Variants in TLK2 observed in about 807,000 individuals in gnomAD.
The protein encoded by TLK2 is tousled like kinase 2.
Under a neutral mutation model 117.3 loss-of-function variants are expected in TLK2, and 6 were observed. The ratio of observed to expected loss-of-function variants is 0.05; its 90% CI spans 0.03 to 0.10. TLK2 has a LOEUF of 0.10. TLK2 is among the 10% of genes least tolerant of loss of function. The pLI, the probability that TLK2 is intolerant of heterozygous loss-of-function variation, is 1.00. For missense variants in TLK2, 299 were observed against 901.2 expected (o/e 0.33, Z 8.56); for synonymous variants, 257 against 316.7 (o/e 0.81, Z 2.00).
At chr17:62,562,367 A>G (rs2079358700) in intron 10 of TLK2, among the ~76,000 whole-genome samples, 1 of 152,220 alleles carries the variant, frequency 6.6e-6, no homozygotes, top group Non-Finnish European at 1.5e-5. Flanking sequence ...TCAAAACAAA[A>G]AACACACAAA....
At position 62,577,641 on chromosome 17, in the gene TLK2, A is replaced by G. The variant is rs147121371; in HGVS notation, c.1189-836A>G. On this transcript the variant is annotated intron_variant, in intron 13 of 21. Transcript: ENST00000346027. Reference sequence around the variant, plus strand: ...CATTGGTCGATGCTCTTTATAGGTGATAATGGTCAGTAAAGATTTACTAAA... The same window carrying G: ...CATTGGTCGATGCTCTTTATAGGTGGTAATGGTCAGTAAAGATTTACTAAA... Among the ~76,000 whole-genome samples the G allele has an allele frequency of 1.3e-3, 204 of 152,362 alleles. 1 individual carries two copies. The East Asian group carries it at 0.036, about 27-fold the overall frequency.
chr17:62,574,270 A>G (rs2080566863), intron 12 of TLK2: 2 of 1,526,426 alleles, frequency 1.3e-6, no homozygotes, highest in Non-Finnish European at 1.8e-6. Context: ...CACCCCATAC[A>G]TATCTGATGT....
chr17:62,517,384 T>A (rs910880215), intron 2 of TLK2, among the ~76,000 whole-genome samples: 2 of 152,184 alleles, frequency 1.3e-5, no homozygotes, highest in Non-Finnish European at 2.9e-5. Flanking sequence ...TGTAATTTTT[T>A]ATTTTTTATT....
intron 17 of TLK2, among the ~76,000 whole-genome samples, chr17:62,599,505 T>G (rs1363403596): frequency 1.3e-5 from 2 of 152,192 alleles, no homozygotes; most frequent in African/African-American, 4.8e-5. Flanking sequence ...TCTGTTGGTT[T>G]CAGCCAATGG....
intron 7 of TLK2, among the ~76,000 whole-genome samples, chr17:62,540,716 C>T (rs954260586): frequency 2.6e-5 from 4 of 151,894 alleles, no homozygotes; most frequent in Non-Finnish European, 5.9e-5. Flanking sequence ...AGAATTTTAC[C>T]ACTTCTAATT....
At chr17:62,479,812 T>TG (rs1386495847) in intron 1 of TLK2, among the ~76,000 whole-genome samples, 2 of 152,186 alleles carry the variant, frequency 1.3e-5, no homozygotes, top group African/African-American at 4.8e-5. Context: ...GGGCCGGGCC[T>TG]GGGGATGGAG....
At chr17:62,607,431 A>G (rs1441049818) in intron 20 of TLK2, among the ~76,000 whole-genome samples, 5 of 151,472 alleles carry the variant, frequency 3.3e-5, no homozygotes, top group Admixed American at 3.3e-4. Flanking sequence ...CGGGAGGCTG[A>G]GGCAGGAGAA....
At chr17:62,527,477 C>A (rs1207122563) in intron 6 of TLK2, among the ~76,000 whole-genome samples, 1 of 151,956 alleles carries the variant, frequency 6.6e-6, no homozygotes, top group African/African-American at 2.4e-5. Context: ...CAGTTACTAA[C>A]CCCCTCCCTG....
chr17:62,566,404 G>A (rs369207124), intron 11 of TLK2, among the ~76,000 whole-genome samples: 5 of 152,138 alleles, frequency 3.3e-5, no homozygotes, highest in African/African-American at 7.2e-5. Flanking sequence ...TGAGTTAGAC[G>A]TTAGTAGTCC....
chr17:62,518,947 C>T (rs1250531727), intron 2 of TLK2, among the ~76,000 whole-genome samples: 8 of 152,100 alleles, frequency 5.3e-5, no homozygotes, highest in Non-Finnish European at 1.0e-4. Context: ...TGCAGTGGCG[C>T]GATCTTGGCT....
chr17:62,583,713 G>A (rs996907681), intron 15 of TLK2, among the ~76,000 whole-genome samples: 1 of 152,010 alleles, frequency 6.6e-6, no homozygotes, highest in Admixed American at 6.5e-5. Context: ...GAGTAGCTGG[G>A]ATTACAGGCG....
intron 11 of TLK2, among the ~76,000 whole-genome samples, chr17:62,569,720 C>T (rs2080120114): frequency 1.3e-5 from 2 of 152,014 alleles, no homozygotes. Context: ...AGCCACCGCG[C>T]CCGGCCACAT....
intron 6 of TLK2, among the ~76,000 whole-genome samples, chr17:62,531,257 A>G (rs2076719847): frequency 1.5e-5 from 2 of 134,422 alleles, no homozygotes; most frequent in Admixed American, 7.8e-5. Flanking sequence ...ATGGCTTTTG[A>G]CTTTTTTTGT....
rs2078532708 is a variant in TLK2, at chr17:62,552,361, C to G, written c.591C>G (p.Ser197=). The G allele has an allele frequency of 1.2e-6, 2 of 1,613,750 alleles. No individual in the cohort carries two copies. The highest frequency in any genetic ancestry group is 4.5e-5 in the East Asian group (2 of 44,844). The change falls in exon 8 of 22, where the codon TCC becomes TCG. Residue 197 remains serine (S), a synonymous_variant. Coordinates refer to ENST00000346027, the MANE Select transcript of TLK2 (RefSeq NM_006852.6). ...GCAACACAGAGCATTCCTGCAGCTC[C>G]CAAAAACAGATCTCCATCCAGCACA... ...GSGNTEHSCS[S]QKQISIQHRQ...
chr17:62,475,992 T>C (rs1424847681), upstream of TLK2, among the ~76,000 whole-genome samples: 1 of 150,568 alleles, frequency 6.6e-6, no homozygotes, highest in East Asian at 2.0e-4. Context: ...TTATCATTAT[T>C]TTTGAGACAG....
intron 12 of TLK2, among the ~76,000 whole-genome samples, chr17:62,573,739 T>G (rs1365342663): frequency 6.6e-6 from 1 of 152,214 alleles, no homozygotes; most frequent in Non-Finnish European, 1.5e-5. Flanking sequence ...TATTTCAGAC[T>G]GAAGAATGCT....
chr17:62,606,814 A>G (rs2083336614), intron 20 of TLK2, among the ~76,000 whole-genome samples: 1 of 152,126 alleles, frequency 6.6e-6, no homozygotes, highest in African/African-American at 2.4e-5. Flanking sequence ...TTATAAATGT[A>G]TATATTAGGA....
intron 6 of TLK2, among the ~76,000 whole-genome samples, chr17:62,531,361 A>G (rs1039875990): frequency 2.7e-4 from 41 of 152,124 alleles, no homozygotes; most frequent in African/African-American, 8.2e-4. Context: ...CTAATTTGCT[A>G]TTAGCTCTAT....
chr17:62,594,789 T>TACACACACACAC (rs143695451), intron 16 of TLK2, among the ~76,000 whole-genome samples: 24 of 145,516 alleles, frequency 1.6e-4, no homozygotes, highest in African/African-American at 5.9e-4. Context: ...GCAGGGCGGG[T>TACACACACACAC]ACACACACAC....
Sources: allele counts gnomAD v4.1 joint callset (sites outside exome capture counted in the v4.1 genomes callset), GRCh38; gene constraint gnomAD v4.1.1; transcripts MANE v1.5; gene names NCBI Gene and HGNC (gene_info 2026-07-23, HGNC 2026-07-21).